ANLN: variants seen among roughly 807,000 people sequenced by gnomAD.
The protein encoded by ANLN is anillin.
A neutral mutation model predicts 135.1 loss-of-function variants in ANLN; 59 were observed. The observed-to-expected ratio is 0.44, with a 90% CI of 0.35 to 0.54. The LOEUF (loss-of-function observed/expected upper bound fraction) is 0.54. Ranked by LOEUF, ANLN falls within the 20% of genes least tolerant of loss-of-function variation. The probability of loss-of-function intolerance (pLI) is 0.00; values close to 1 mark genes in which losing one functional copy is unlikely to be tolerated. For synonymous variants in ANLN, 406 were observed against 456.4 expected (o/e 0.89, Z 1.41); for missense variants, 1,182 against 1,340.0 (o/e 0.88, Z 1.84).
chr7:36,392,924 T>A (rs1786539514), intron 1 of ANLN, among the ~76,000 whole-genome samples: 2 of 152,294 alleles, frequency 1.3e-5, no homozygotes, highest in Admixed American at 1.3e-4. Flanking sequence ...TGTCCACGAA[T>A]GAATATAATT....
chr7:36,392,513 G>T (rs1319072232), intron 1 of ANLN, among the ~76,000 whole-genome samples: 28 of 140,436 alleles, frequency 2.0e-4, no homozygotes, highest in African/African-American at 4.6e-4. Context: ...TATTGCAGTG[G>T]TTTTTTTTTT....
Position 36,420,450 on chromosome 7 carries a change from T to C in ANLN, c.2015+136T>C, listed in dbSNP as rs575210026. On this transcript the variant is annotated intron_variant, in intron 11 of 23. Coordinates refer to ENST00000265748, the MANE Select transcript of ANLN (RefSeq NM_018685.5). ...GTTTGGAATAACTTTTGTTAGCCTC[T>C]CTTTCACCAAATGAGAGTTCCATTC... 31 of 1,303,284 alleles carry C rather than the reference T, an allele frequency of 2.4e-5. 1 individual carries two copies. The highest frequency in any genetic ancestry group is 3.2e-5 in the Non-Finnish European group (30 of 940,858). The allele number at this position is 1,303,284 out of a possible 1,614,324, so 80.7% of individuals were successfully genotyped here.
chr7:36,438,476 A>C (rs893362386), intron 20 of ANLN, among the ~76,000 whole-genome samples: 2 of 152,152 alleles, frequency 1.3e-5, no homozygotes, highest in Non-Finnish European at 2.9e-5. Flanking sequence ...GACTCAAGTG[A>C]TCCTCCTGCC....
chr7:36,425,960 TTAAA>T, intron 18 of ANLN, 51 bp from the exon 19 acceptor site: 3 of 1,397,484 alleles, frequency 2.1e-6, no homozygotes, highest in Middle Eastern at 3.7e-4. Flanking sequence ...AATCTTTGTA[TTAAA>T]TAAGGGAAAT....
chr7:36,399,328 C>T lies in ANLN; in HGVS notation c.422C>T (p.Ser141Leu). ...AGATTGGAAGCAACTGCAGCCTCCT[C>T]AGTTAAAACACGTATGCAAAAACTT... is the stretch of plus-strand genomic sequence containing the variant. ...NSRLEATAASSVKTRMQKLAE... is the reference protein window; with the variant it reads ...NSRLEATAASLVKTRMQKLAE... Residue 141 changes from serine to leucine, a missense_variant, in exon 3 of 24, where the codon TCA (serine) becomes TTA (leucine). This residue lies in a region of ANLN where 1,022 missense variants were observed against 1,134.0 expected (regional missense o/e 0.90). Coordinates refer to ENST00000265748, the MANE Select transcript of ANLN (RefSeq NM_018685.5). The T allele has an allele frequency of 6.2e-7, 1 of 1,613,942 alleles. No individual in the cohort carries two copies. The highest frequency in any genetic ancestry group is 8.5e-7 in the Non-Finnish European group (1 of 1,179,982).
intron 21 of ANLN, among the ~76,000 whole-genome samples, chr7:36,440,916 TTG>T (rs1788744492): frequency 6.6e-6 from 1 of 152,212 alleles, no homozygotes; most frequent in African/African-American, 2.4e-5. Context: ...ACAAGTCAGT[TTG>T]TAACTGCTGT....
chr7:36,439,093 A>G lies in ANLN; in HGVS notation c.2884-111A>G, dbSNP rs1258984757. The G allele has an allele frequency of 8.2e-6, 6 of 728,008 alleles. No individual in the cohort carries two copies. In the East Asian group the frequency reaches 1.0e-4, roughly 12 times the overall value. 45.1% of individuals were successfully genotyped at this position (728,008 alleles called of 1,614,324 possible). A position where few individuals can be genotyped will look rare whatever the true frequency, so the allele number is the denominator to read the frequency against. ...GTCTTTTATACTCCAACTTTAGAAA[A>G]TGCTCTGTTTTCAAGTTGTAATAGT... On this transcript the variant is annotated intron_variant, in intron 20 of 23. Transcript: ENST00000265748.
chr7:36,393,448 A>T (rs536702379), intron 1 of ANLN, among the ~76,000 whole-genome samples: 1 of 152,304 alleles, frequency 6.6e-6, no homozygotes, highest in East Asian at 1.9e-4. Context: ...TGGAACAGGG[A>T]TTTATGCCTA....
chr7:36,398,390 A>G (rs1583593212), intron 2 of ANLN, among the ~76,000 whole-genome samples: 1 of 152,216 alleles, frequency 6.6e-6, no homozygotes, highest in South Asian at 2.1e-4. Context: ...TTTCAAAAAC[A>G]GAAAACCTGG....
chr7:36,421,748 A>G (rs1321039486), intron 12 of ANLN, 109 bp from the exon 13 acceptor site: 1 of 1,055,026 alleles, frequency 9.5e-7, no homozygotes, highest in Non-Finnish European at 1.3e-6. Context: ...TTTGACTTTC[A>G]TCTGGAAATT....
At position 36,425,707 on chromosome 7, in the gene ANLN, T is replaced by G. The variant is rs1367896456; in HGVS notation, c.2715T>G (p.Ile905Met). Residue 905 changes from isoleucine (I) to methionine (M), a missense_variant, in exon 18 of 24, where the codon ATT becomes ATG. Ile to Met is a conservative substitution (Grantham distance 10, BLOSUM62 1). Coordinates refer to ENST00000265748, the MANE Select transcript of ANLN (RefSeq NM_018685.5). ...TAAGCTATCTTTTCTTTTAGGCTATTACTCCAAAGCGACTCCTCACATCTA... is the reference window on the plus strand; with the variant it reads ...TAAGCTATCTTTTCTTTTAGGCTATGACTCCAAAGCGACTCCTCACATCTA... ...KKKKTSKSKA[I>M]TPKRLLTSIT... The G allele has an allele frequency of 6.2e-7, 1 of 1,609,714 alleles. No homozygotes were observed.
At chr7:36,442,374 A>G (rs1271015659) in intron 21 of ANLN, among the ~76,000 whole-genome samples, 1 of 152,186 alleles carries the variant, frequency 6.6e-6, no homozygotes, top group Non-Finnish European at 1.5e-5. Context: ...AGCAGCCCTC[A>G]CTGACTGTTT....
intron 3 of ANLN, among the ~76,000 whole-genome samples, chr7:36,403,722 C>T (rs1321193134): frequency 1.3e-5 from 2 of 151,814 alleles, no homozygotes; most frequent in African/African-American, 4.8e-5. Context: ...GCTCTCAGCT[C>T]GCTGCAACCT....
chr7:36,446,219 T>C lies in ANLN; in HGVS notation c.3078+2357T>C, dbSNP rs180712832. On this transcript the variant is annotated intron_variant, in intron 22 of 23. Coordinates refer to ENST00000265748, the MANE Select transcript of ANLN (RefSeq NM_018685.5). The stretch of plus-strand genomic sequence containing the variant: ...CTTTTTAGGGTCTAATTTAAGAAAC[T>C]ATCCTTATCCTGGAGTCAAAGATTT... Among the ~76,000 whole-genome samples, 63 of 152,348 alleles carry C rather than the reference T, an allele frequency of 4.1e-4. 1 individual carries two copies. Among genetic ancestry groups the C allele is most frequent in the East Asian group, 1.9e-4 (1 of 5,188 alleles).
chr7:36,421,867 A>G lies in ANLN; in HGVS notation c.2174A>G (p.Asn725Ser), dbSNP rs371971072. Residue 725 changes from asparagine (N) to serine (S), a missense_variant, in exon 13 of 24, where the codon AAC (asparagine) becomes AGC (serine). By Grantham distance (46) the Asn-to-Ser change is conservative (BLOSUM62 1). Coordinates refer to ENST00000265748, the MANE Select transcript of ANLN (RefSeq NM_018685.5). ...CATTGGTTTTCCTAGGAACTCAATA[A>G]CGAAATAAATATGCAACAGACAGTG... Reference protein sequence around the residue: ...NIKQKMQELNNEINMQQTVIY... With the variant: ...NIKQKMQELNSEINMQQTVIY... 3.1e-6 allele frequency: 5 copies of G among 1,607,238 alleles called. No homozygotes were observed. The highest frequency in any genetic ancestry group is 4.2e-6 in the Non-Finnish European group (5 of 1,177,528).
intron 5 of ANLN, among the ~76,000 whole-genome samples, chr7:36,409,087 G>T (rs1583608006): frequency 6.6e-6 from 1 of 152,328 alleles, no homozygotes; most frequent in African/African-American, 2.4e-5. Flanking sequence ...GCCAGAATGA[G>T]AATTGGAAAC....
chr7:36,442,480 A>ACC (rs1241748977), intron 21 of ANLN, among the ~76,000 whole-genome samples: 1 of 152,128 alleles, frequency 6.6e-6, no homozygotes, highest in Non-Finnish European at 1.5e-5. Flanking sequence ...TGTGGCAGGG[A>ACC]CCGTATGGCC....
chr7:36,419,937 C>G (rs564073920), intron 10 of ANLN, among the ~76,000 whole-genome samples: 2 of 152,212 alleles, frequency 1.3e-5, no homozygotes, highest in African/African-American at 4.8e-5. Context: ...ATAACTGCAG[C>G]TCTGGGGATT....
rs10560737 is a variant in ANLN, at chr7:36,422,283, T to TTCTC, written c.2299+312_2299+315dup. Reference sequence around the variant, plus strand: ...CTATATATACACATGTACACATACATTCTCTCTCTCTCTCTCTCTCTCTCC... The same window carrying TTCTC: ...CTATATATACACATGTACACATACATTCTCTCTCTCTCTCTCTCTCTCTCTCTCC... On this transcript the variant is annotated intron_variant, in intron 13 of 23. Coordinates refer to ENST00000265748, the MANE Select transcript of ANLN (RefSeq NM_018685.5). 4.5e-4 allele frequency among the ~76,000 whole-genome samples: 67 copies of TTCTC among 150,136 alleles called. No individual in the cohort carries two copies. In the East Asian group the frequency reaches 5.7e-3, roughly 13 times the overall value.
Sources: gnomAD v4.1 joint callset for allele counts (sites outside exome capture counted in the v4.1 genomes callset) on GRCh38, gnomAD v4.1.1 for gene constraint, gnomAD v4.1.1 regional missense constraint, MANE v1.5 for transcripts, NCBI Gene and HGNC (gene_info 2026-07-23, HGNC 2026-07-21) for gene names.